The following ATF7IP variants were observed in gnomAD, a reference collection of about 807,000 sequenced individuals.
ATF7IP encodes the protein activating transcription factor 7 interacting protein.
In ATF7IP, 23 loss-of-function variants were observed where a neutral mutation model predicts 106.4. The observed-to-expected ratio is 0.22, with a 90% CI of 0.16 to 0.31. The LOEUF (loss-of-function observed/expected upper bound fraction) is 0.31, where lower values mean the gene tolerates loss of function less well. Ranked by LOEUF, ATF7IP falls within the 10% of genes least tolerant of loss-of-function variation. The pLI, the probability that ATF7IP is intolerant of heterozygous loss-of-function variation, is 1.00. For synonymous variants in ATF7IP, 542 were observed against 539.0 expected, an observed-to-expected ratio of 1.01 and a Z score of -0.08; for missense variants, 1,334 against 1,524.3, an observed-to-expected ratio of 0.88 and a Z score of 2.08.
At position 14,436,136 on chromosome 12, in the gene ATF7IP, C is replaced by A; in HGVS notation, c.1676C>A (p.Ser559Ter). The A allele has an allele frequency of 6.2e-7, 1 of 1,612,986 alleles. No individual in the cohort carries two copies. The highest frequency in any genetic ancestry group is 1.1e-5 in the South Asian group (1 of 90,894). Residue 559 changes from serine to a stop codon, truncating the protein, a stop_gained, in exon 4 of 15, where the codon TCA becomes TAA. Coordinates refer to ENST00000261168, the MANE Select transcript of ATF7IP (RefSeq NM_018179.5). LOFTEE classifies it high-confidence loss of function. Reference sequence around the variant, plus strand: ...TTTTCTAGACGAAAACGTTCTAAATCAGAAGACATGGACAATGTACAGTCT... The same window carrying A: ...TTTTCTAGACGAAAACGTTCTAAATAAGAAGACATGGACAATGTACAGTCT... ...NEFSRRKRSK[S>*]EDMDNVQSKR... is the part of the protein sequence containing the mutation.
intron 1 of ATF7IP, among the ~76,000 whole-genome samples, chr12:14,398,476 T>G (rs1200911703): frequency 2.1e-4 from 10 of 46,860 alleles, no homozygotes; most frequent in African/African-American, 9.4e-4. Flanking sequence ...GCCTTGTGGT[T>G]TTTTTTTTTT....
intron 10 of ATF7IP, among the ~76,000 whole-genome samples, chr12:14,473,589 T>C (rs572076936): frequency 6.6e-6 from 1 of 152,212 alleles, no homozygotes; most frequent in East Asian, 1.9e-4. Flanking sequence ...ATATAGTCTT[T>C]AATATTTATC....
rs1165494403 is a variant in ATF7IP, at chr12:14,445,576, A to G, written c.1930-1412A>G. On this transcript the variant is annotated intron_variant, in intron 5 of 14. Coordinates refer to ENST00000261168, the MANE Select transcript of ATF7IP (RefSeq NM_018179.5). ...TGTTAAGGATATGAAATTATGCTTT[A>G]TGATCTTGAGCCTTAATAACATGCA... is the stretch of plus-strand genomic sequence containing the variant. Among the ~76,000 whole-genome samples, 3 of 152,150 alleles carry G rather than the reference A, an allele frequency of 2.0e-5. No homozygotes were observed. In the East Asian group the frequency reaches 5.8e-4, roughly 29 times the overall value.
In ATF7IP at chr12:14,478,357, T is replaced by A; in HGVS notation, c.2982T>A (p.Ser994Arg). The A allele has an allele frequency of 6.2e-7, 1 of 1,613,968 alleles. No homozygotes were observed. Among genetic ancestry groups the A allele is most frequent in the Non-Finnish European group, 8.5e-7 (1 of 1,179,928 alleles). Residue 994 changes from serine (S) to arginine (R), a missense_variant, in exon 12 of 15, where the codon AGT becomes AGA. Ser to Arg is a moderately radical substitution (Grantham distance 110). Transcript: ENST00000261168. ...ATCACACTCCTGTATCAACCATGAGTTCTTCTCAGCCTGTGTCACGACCAT... is the reference window on the plus strand; with the variant it reads ...ATCACACTCCTGTATCAACCATGAGATCTTCTCAGCCTGTGTCACGACCAT... ...KLNHTPVSTMSSSQPVSRPLQ... is the reference protein window; with the variant it reads ...KLNHTPVSTMRSSQPVSRPLQ...
intron 7 of ATF7IP, 116 bp from the exon 8 acceptor site, chr12:14,457,091 G>A: frequency 1.2e-6 from 1 of 847,870 alleles, no homozygotes; most frequent in Non-Finnish European, 1.9e-6. Flanking sequence ...TTAGGATTGT[G>A]AAACCCAAGT....
chr12:14,479,045 A>G (rs11610772), intron 12 of ATF7IP, among the ~76,000 whole-genome samples: 1 of 152,200 alleles, frequency 6.6e-6, no homozygotes, highest in Admixed American at 6.5e-5. Flanking sequence ...TTACTAATGC[A>G]TGTGGAAAAT....
intron 1 of ATF7IP, among the ~76,000 whole-genome samples, chr12:14,415,908 A>T (rs1380475171): frequency 2.0e-5 from 3 of 152,162 alleles, no homozygotes; most frequent in African/African-American, 7.2e-5. Flanking sequence ...GGACTTGAAC[A>T]TTGTCAGATT....
At chr12:14,415,819 T>C (rs532588781) in intron 1 of ATF7IP, among the ~76,000 whole-genome samples, 1 of 152,140 alleles carries the variant, frequency 6.6e-6, no homozygotes, top group South Asian at 2.1e-4. Flanking sequence ...CTGGGTATTA[T>C]AGGTAATTTA....
At chr12:14,471,227 A>ATTACAC (rs1313116857) in intron 10 of ATF7IP, among the ~76,000 whole-genome samples, 1 of 152,220 alleles carries the variant, frequency 6.6e-6, no homozygotes, top group African/African-American at 2.4e-5. Flanking sequence ...TGAATGTACC[A>ATTACAC]TTACACTTGA....
At position 14,424,884 on chromosome 12, in the gene ATF7IP, T is replaced by A. The variant is rs112796702; in HGVS notation, c.969T>A (p.Asp323Glu). Residue 323 changes from aspartate (D) to glutamate (E), a missense_variant, in exon 2 of 15, where the codon GAT becomes GAA. Transcript: ENST00000261168. ...ATTTTCTTGAAAAAAATGGAGCTGATGAAAAATTAGAGCAAATTCAGAGTA... is the reference window on the plus strand; with the variant it reads ...ATTTTCTTGAAAAAAATGGAGCTGAAGAAAAATTAGAGCAAATTCAGAGTA... ...DDDFLEKNGA[D>E]EKLEQIQSKD... is the part of the protein sequence containing the mutation. 11 of 1,609,882 alleles carry A rather than the reference T, an allele frequency of 6.8e-6. No homozygotes were observed. Among genetic ancestry groups the A allele is most frequent in the Admixed American group, 5.1e-5 (3 of 58,962 alleles).
At chr12:14,422,356 C>CAA (rs1555116845) in intron 1 of ATF7IP, among the ~76,000 whole-genome samples, 3 of 136,334 alleles carry the variant, frequency 2.2e-5, no homozygotes, top group African/African-American at 8.3e-5. Context: ...CACACACACA[C>CAA]AACCTTTGTA....
intron 1 of ATF7IP, among the ~76,000 whole-genome samples, chr12:14,379,207 T>G (rs1938898330): frequency 6.6e-6 from 1 of 152,158 alleles, no homozygotes; most frequent in Admixed American, 6.5e-5. Flanking sequence ...TGAGATCTGG[T>G]CATTTAAATA....
chr12:14,401,699 C>G (rs1940210041), intron 1 of ATF7IP, among the ~76,000 whole-genome samples: 1 of 132,190 alleles, frequency 7.6e-6, no homozygotes, highest in Non-Finnish European at 1.6e-5. Flanking sequence ...AGCATTGTTT[C>G]ACTTAGAGAT....
intron 5 of ATF7IP, 96 bp downstream of exon 5, chr12:14,438,363 T>A: frequency 8.7e-7 from 1 of 1,144,598 alleles, no homozygotes; most frequent in Non-Finnish European, 1.2e-6. Flanking sequence ...AAAATACATT[T>A]AAATTCTAAA....
In ATF7IP at chr12:14,483,647, C is replaced by T. The variant is rs370019502; in HGVS notation, c.3280+2462C>T. Among the ~76,000 whole-genome samples the T allele has an allele frequency of 8.5e-5, 13 of 152,190 alleles. No individual in the cohort carries two copies. In the South Asian group the frequency reaches 2.7e-3, roughly 32 times the overall value. On this transcript the variant is annotated intron_variant, in intron 13 of 14. Transcript: ENST00000261168. ...TACTTCCACTTCCACCCCCTGATTC[C>T]TGGACCCATGAATCCTGGCTATGGG...
intron 10 of ATF7IP, among the ~76,000 whole-genome samples, chr12:14,470,393 A>T (rs1445432473): frequency 2.0e-5 from 3 of 152,224 alleles, no homozygotes; most frequent in Non-Finnish European, 4.4e-5. Context: ...ATAATTTTTT[A>T]ATGATTTCAA....
intron 2 of ATF7IP, among the ~76,000 whole-genome samples, chr12:14,426,342 TC>T (rs1337820707): frequency 1.3e-5 from 2 of 152,084 alleles, no homozygotes; most frequent in African/African-American, 4.8e-5. Flanking sequence ...ACCTTTCTTT[TC>T]CCATTATATC....
At position 14,500,575 on chromosome 12, in the gene ATF7IP, G is replaced by A. The variant is rs1023379255; in HGVS notation, c.*2502G>A. ...TTTGACCTGCAGTGGTTGCAATGTT[G>A]ATATGTGTTCAAGATTATTCCTGTC... On this transcript the variant is annotated 3_prime_UTR_variant, in exon 15 of 15. Coordinates refer to ENST00000261168, the MANE Select transcript of ATF7IP (RefSeq NM_018179.5). 7.9e-5 allele frequency: 12 copies of A among 152,162 alleles called. No homozygotes were observed. The highest frequency in any genetic ancestry group is 2.9e-4 in the African/African-American group (12 of 41,440). 9.4% of individuals were successfully genotyped at this position (152,162 alleles called of 1,614,324 possible).
chr12:14,424,281 C>G lies in ATF7IP; in HGVS notation c.366C>G (p.Val122=), dbSNP rs1213613869. The change falls in exon 2 of 15, where the codon GTC becomes GTG. Residue 122 remains valine, a synonymous_variant. Coordinates refer to ENST00000261168, the MANE Select transcript of ATF7IP (RefSeq NM_018179.5). The part of the protein sequence containing the change: ...LSPHNITPEP[V]SKLPAEPVSG... ...CCCATAATATAACTCCAGAACCAGT[C>G]TCTAAACTGCCTGCTGAACCAGTTT... The G allele has an allele frequency of 9.3e-6, 15 of 1,614,086 alleles. No individual in the cohort carries two copies. The highest frequency in any genetic ancestry group is 1.3e-5 in the Non-Finnish European group (15 of 1,180,054).
Sources: allele counts gnomAD v4.1 joint callset (sites outside exome capture counted in the v4.1 genomes callset), GRCh38; gene constraint gnomAD v4.1.1; transcripts MANE v1.5; gene names NCBI Gene and HGNC (gene_info 2026-07-23, HGNC 2026-07-21).